Variants in ATP2C1 observed in about 807,000 individuals in gnomAD.
The protein encoded by ATP2C1 is ATPase secretory pathway Ca2+ transporting 1.
ATP2C1 carries 31 observed loss-of-function variants against 120.5 expected under a neutral mutation model. The observed-to-expected ratio is 0.26, with a 90% CI of 0.19 to 0.35. The LOEUF (loss-of-function observed/expected upper bound fraction) is 0.35. Ranked by LOEUF, ATP2C1 falls within the 10% of genes least tolerant of loss-of-function variation. ATP2C1 has a pLI of 1.00. For synonymous variants in ATP2C1, 351 were observed against 358.7 expected, an observed-to-expected ratio of 0.98 and a Z score of 0.24; for missense variants, 731 against 1,107.5, an observed-to-expected ratio of 0.66 and a Z score of 4.83.
In ATP2C1 at chr3:130,997,312, A is replaced by G. The variant is rs1194344443; in HGVS notation, c.2244-294A>G. On this transcript the variant is annotated intron_variant, in intron 24 of 27. Coordinates refer to ENST00000510168, the MANE Select transcript of ATP2C1 (RefSeq NM_001378687.1). The stretch of plus-strand genomic sequence containing the variant: ...TATTTCAAAATTCAGTCGGTAGGTC[A>G]TGTATTTCACACCGTATTTGAAATA... Among the ~76,000 whole-genome samples, 14 of 152,212 alleles carry G rather than the reference A, an allele frequency of 9.2e-5. 1 individual carries two copies. The highest frequency in any genetic ancestry group is 9.2e-4 in the Admixed American group (14 of 15,284).
intron 26 of ATP2C1, chr3:131,014,142 T>C (rs1407873309): frequency 1.2e-6 from 2 of 1,613,802 alleles, no homozygotes; most frequent in East Asian, 2.2e-5. Flanking sequence ...ATACCAACAC[T>C]TGGTGTGTGC....
intron 23 of ATP2C1, 109 bp from the exon 24 acceptor site, chr3:130,996,571 T>C (rs17282299): frequency 1.2e-6 from 1 of 800,776 alleles, no homozygotes; most frequent in Non-Finnish European, 2.2e-6. Context: ...TGAAACAGTC[T>C]TCCTTTAAAA....
At chr3:130,938,720 C>T (rs1285441295) in intron 6 of ATP2C1, among the ~76,000 whole-genome samples, 1 of 152,224 alleles carries the variant, frequency 6.6e-6, no homozygotes, top group African/African-American at 2.4e-5. Context: ...TTCATTCAGC[C>T]AAGTGAGTGA....
Position 130,937,468 on chromosome 3 carries a change from G to A in ATP2C1, c.360+5G>A. ...GTTACAGTTGCCTTTGTTCAGGTAA[G>A]TACTCTATTTTGCCAACATGAAAAT... On this transcript the variant is annotated splice_donor_5th_base_variant and intron_variant, in intron 6 of 27. Coordinates refer to ENST00000510168, the MANE Select transcript of ATP2C1 (RefSeq NM_001378687.1). The A allele has an allele frequency of 6.2e-7, 1 of 1,612,956 alleles. No individual in the cohort carries two copies. The highest frequency in any genetic ancestry group is 8.5e-7 in the Non-Finnish European group (1 of 1,178,966).
intron 20 of ATP2C1, among the ~76,000 whole-genome samples, chr3:130,990,272 A>AACCC (rs1553779030): frequency 3.9e-5 from 4 of 102,068 alleles, no homozygotes; most frequent in Admixed American, 1.1e-4. Flanking sequence ...CTTAAGAGCA[A>AACCC]CCCCCCCCCC....
intron 2 of ATP2C1, among the ~76,000 whole-genome samples, chr3:130,905,213 A>G (rs1386771016): frequency 6.6e-6 from 1 of 152,018 alleles, no homozygotes; most frequent in African/African-American, 2.4e-5. Flanking sequence ...CTCTTAGTAG[A>G]TAGAGCTAGC....
At chr3:130,917,278 A>G (rs2058730548) in intron 2 of ATP2C1, among the ~76,000 whole-genome samples, 1 of 152,236 alleles carries the variant, frequency 6.6e-6, no homozygotes, top group Non-Finnish European at 1.5e-5. Flanking sequence ...CTTTCAACTT[A>G]TGATGGATTT....
chr3:130,912,559 T>C (rs2058480355), intron 2 of ATP2C1, among the ~76,000 whole-genome samples: 1 of 143,012 alleles, frequency 7.0e-6, no homozygotes, highest in South Asian at 2.4e-4. Flanking sequence ...TGAGATACCA[T>C]CTCACACCAG....
intron 2 of ATP2C1, among the ~76,000 whole-genome samples, chr3:130,907,079 T>TACACACACAC (rs55687116): frequency 6.7e-6 from 1 of 149,840 alleles, no homozygotes; most frequent in African/African-American, 2.4e-5. Context: ...TATATGTGTG[T>TACACACACAC]ACACACACAC....
chr3:130,906,139 G>A (rs912393823), intron 2 of ATP2C1, among the ~76,000 whole-genome samples: 4 of 151,860 alleles, frequency 2.6e-5, no homozygotes, highest in African/African-American at 7.3e-5. Context: ...ATAATTCAGT[G>A]GTTTTTAGTA....
At chr3:130,887,786 A>G (rs2069025083) in intron 1 of ATP2C1, among the ~76,000 whole-genome samples, 1 of 152,082 alleles carries the variant, frequency 6.6e-6, no homozygotes, top group African/African-American at 2.4e-5. Flanking sequence ...TAGGCCTGGG[A>G]TTGGGGACTT....
intron 18 of ATP2C1, among the ~76,000 whole-genome samples, chr3:130,976,318 G>A (rs1252863071): frequency 2.0e-5 from 3 of 152,074 alleles, no homozygotes; most frequent in Non-Finnish European, 1.5e-5. Flanking sequence ...AATAAACTAA[G>A]TTTGGAAAGG....
chr3:130,871,506 C>G (rs1287735985), intron 1 of ATP2C1, among the ~76,000 whole-genome samples: 2 of 152,218 alleles, frequency 1.3e-5, no homozygotes, highest in Non-Finnish European at 2.9e-5. Context: ...AGGGACCACA[C>G]TTTCAGAACC....
chr3:130,940,188 A>G (rs1477053922), intron 6 of ATP2C1, among the ~76,000 whole-genome samples: 1 of 152,198 alleles, frequency 6.6e-6, no homozygotes, highest in Non-Finnish European at 1.5e-5. Context: ...CTAATGGTTT[A>G]CTTTGTAAAC....
intron 2 of ATP2C1, among the ~76,000 whole-genome samples, chr3:130,915,630 A>G (rs1376360589): frequency 6.6e-6 from 1 of 152,158 alleles, no homozygotes; most frequent in African/African-American, 2.4e-5. Context: ...ATGAGCAGTG[A>G]TAGTTACGTG....
intron 18 of ATP2C1, 133 bp from the exon 19 acceptor site, chr3:130,979,116 T>A: frequency 3.5e-6 from 3 of 854,290 alleles, no homozygotes; most frequent in Non-Finnish European, 5.6e-6. Context: ...ATCATTTTGA[T>A]TTTACAAATG....
chr3:130,987,205 C>A (rs1353917980), intron 20 of ATP2C1, among the ~76,000 whole-genome samples: 2 of 152,052 alleles, frequency 1.3e-5, no homozygotes, highest in East Asian at 3.8e-4. Context: ...CACGTGTTGC[C>A]CAGACTGGTC....
At chr3:130,924,637 T>C (rs1257757264) in intron 2 of ATP2C1, among the ~76,000 whole-genome samples, 1 of 152,192 alleles carries the variant, frequency 6.6e-6, no homozygotes, top group Non-Finnish European at 1.5e-5. Flanking sequence ...CGGGGAAGTT[T>C]TCCTTGATTA....
At chr3:130,980,759 G>A in intron 20 of ATP2C1, 80 bp downstream of exon 20, 1 of 1,070,216 alleles carries the variant, frequency 9.3e-7, no homozygotes, top group East Asian at 2.5e-5. Context: ...TAATGAAACT[G>A]TTTAATTGTG....
Sources: gnomAD v4.1 joint callset for allele counts (sites outside exome capture counted in the v4.1 genomes callset) on GRCh38, gnomAD v4.1.1 for gene constraint, MANE v1.5 for transcripts, NCBI Gene and HGNC (gene_info 2026-07-23, HGNC 2026-07-21) for gene names.